The following WDR72 variants were observed in gnomAD, a reference collection of about 807,000 sequenced individuals.
WDR72 encodes the protein WD repeat domain 72.
WDR72 carries 120 observed loss-of-function variants against 124.2 expected under a neutral mutation model. That is an observed-to-expected ratio of 0.97 (90% CI 0.83 to 1.12). The LOEUF is 1.12. WDR72 is among the 50% of genes most tolerant of loss of function. The pLI is 0.00. For missense variants in WDR72, 1,387 were observed against 1,278.8 expected (o/e 1.08, Z -1.29); for synonymous variants, 452 against 441.7 (o/e 1.02, Z -0.29).
intron 18 of WDR72, among the ~76,000 whole-genome samples, chr15:53,572,448 A>C (rs897950199): frequency 3.3e-5 from 5 of 152,090 alleles, no homozygotes; most frequent in Admixed American, 2.0e-4. Context: ...TTTTCCCCTC[A>C]CATTGAAAGC....
chr15:53,565,123 A>T (rs1894249216), intron 18 of WDR72, among the ~76,000 whole-genome samples: 2 of 151,972 alleles, frequency 1.3e-5, no homozygotes, highest in East Asian at 3.9e-4. Context: ...AAATTTCATG[A>T]GCATATTCTG....
intron 14 of WDR72, among the ~76,000 whole-genome samples, chr15:53,644,999 G>A (rs74891855): frequency 5.3e-5 from 8 of 152,094 alleles, no homozygotes; most frequent in Admixed American, 2.6e-4. Context: ...AACTTAGTGC[G>A]TGAAACCCAC....
At chr15:53,601,831 C>T in intron 17 of WDR72, among the ~76,000 whole-genome samples, 1 of 152,140 alleles carries the variant, frequency 6.6e-6, no homozygotes, top group East Asian at 1.9e-4. Context: ...CAGGAGCACA[C>T]AGGTTCATAA....
rs533569032 is a variant in WDR72, at chr15:53,660,370, T to C, written c.1962+5202A>G. On this transcript the variant is annotated intron_variant, in intron 14 of 19. Coordinates refer to ENST00000360509, the MANE Select transcript of WDR72 (RefSeq NM_182758.4). Reference sequence around the variant, plus strand: ...TTCCAGTCTCACAATTTAGAAACTATACTAATTCTATTTTGGTTATTTTTT... The same window carrying C: ...TTCCAGTCTCACAATTTAGAAACTACACTAATTCTATTTTGGTTATTTTTT... Among the ~76,000 whole-genome samples, 3 of 152,274 alleles carry C rather than the reference T, an allele frequency of 2.0e-5. No individual in the cohort carries two copies. In the South Asian group the frequency reaches 6.2e-4, roughly 32 times the overall value.
chr15:53,524,213 A>G (rs1891979378), intron 18 of WDR72, among the ~76,000 whole-genome samples: 1 of 152,134 alleles, frequency 6.6e-6, no homozygotes, highest in Non-Finnish European at 1.5e-5. Context: ...ATTAAGCCAA[A>G]TGTTCTAAAT....
intron 19 of WDR72, among the ~76,000 whole-genome samples, chr15:53,522,110 T>C (rs1030316534): frequency 6.6e-6 from 1 of 152,016 alleles, no homozygotes; most frequent in Non-Finnish European, 1.5e-5. Flanking sequence ...AGAGGACTGA[T>C]ATACAATGCC....
At chr15:53,524,733 G>A (rs149223000) in intron 18 of WDR72, among the ~76,000 whole-genome samples, 2 of 152,178 alleles carry the variant, frequency 1.3e-5, no homozygotes, top group East Asian at 1.9e-4. Context: ...AATTTACTAC[G>A]TTTCTAAAAC....
intron 14 of WDR72, among the ~76,000 whole-genome samples, chr15:53,638,361 T>C (rs16966343): frequency 0.078 from 11,857 of 152,200 alleles, 1,546 homozygotes; most frequent in African/African-American, 0.27. Flanking sequence ...AGCAGGGCTT[T>C]CATTTCCTTC....
chr15:53,529,476 A>G (rs1595732664), intron 18 of WDR72, among the ~76,000 whole-genome samples: 1 of 151,952 alleles, frequency 6.6e-6, no homozygotes, highest in Non-Finnish European at 1.5e-5. Flanking sequence ...TGAGTATACA[A>G]TTGAACAGGA....
intron 9 of WDR72, 141 bp downstream of exon 9, chr15:53,710,716 T>C: frequency 1.4e-6 from 1 of 724,806 alleles, no homozygotes; most frequent in Admixed American, 2.1e-5. Context: ...CATTGATAAT[T>C]AAACTTGATT....
intron 18 of WDR72, among the ~76,000 whole-genome samples, chr15:53,549,050 A>C (rs893353637): frequency 2.6e-5 from 4 of 152,218 alleles, no homozygotes; most frequent in African/African-American, 7.2e-5. Flanking sequence ...CAAACAGTTA[A>C]GTATGGATGA....
intron 18 of WDR72, among the ~76,000 whole-genome samples, chr15:53,573,793 G>A (rs996621197): frequency 6.6e-6 from 1 of 152,160 alleles, no homozygotes; most frequent in Admixed American, 6.5e-5. Flanking sequence ...TGATCCACTG[G>A]CCTTGGCCTC....
At position 53,619,264 on chromosome 15, in the gene WDR72, T is replaced by TTGTGTGTGTGTGTGTGTGTG. The variant is rs3081256; in HGVS notation, c.1963-3041_1963-3022dup. 4.3e-3 allele frequency among the ~76,000 whole-genome samples: 632 copies of TTGTGTGTGTGTGTGTGTGTG among 147,482 alleles called. 2 individuals carry two copies. The highest frequency in any genetic ancestry group is 6.1e-3 in the African/African-American group (245 of 40,220). On this transcript the variant is annotated intron_variant, in intron 14 of 19. Transcript: ENST00000360509. ...TCCTGTTTCCTTGTATGCTTTATAATTGTGTGTGTGTGTGTGTGTGTGTGT... is the reference window on the plus strand; with the variant it reads ...TCCTGTTTCCTTGTATGCTTTATAATTGTGTGTGTGTGTGTGTGTGTGTGTGTGTGTGTGTGTGTGTGTGT...
intron 13 of WDR72, among the ~76,000 whole-genome samples, chr15:53,683,103 G>T (rs1485005169): frequency 6.6e-6 from 1 of 152,054 alleles, no homozygotes; most frequent in East Asian, 1.9e-4. Flanking sequence ...ACTATCATGA[G>T]AACAGTATGG....
intron 2 of WDR72, 90 bp from the exon 3 acceptor site, chr15:53,722,998 A>T: frequency 8.0e-7 from 1 of 1,254,006 alleles, no homozygotes; most frequent in Admixed American, 1.7e-5. Context: ...TCTGATTAGG[A>T]AATTCTGTTG....
intron 14 of WDR72, among the ~76,000 whole-genome samples, chr15:53,622,872 T>C (rs1279902335): frequency 2.0e-5 from 3 of 152,266 alleles, no homozygotes; most frequent in African/African-American, 7.2e-5. Context: ...TTTTAACATG[T>C]ACTACCCTCC....
At chr15:53,645,200 T>C (rs887827075) in intron 14 of WDR72, among the ~76,000 whole-genome samples, 12 of 152,280 alleles carry the variant, frequency 7.9e-5, no homozygotes, top group African/African-American at 2.9e-4. Flanking sequence ...TTGACCTTTA[T>C]CATCTAAGTC....
chr15:53,537,242 T>C (rs1892811536), intron 18 of WDR72, among the ~76,000 whole-genome samples: 1 of 152,218 alleles, frequency 6.6e-6, no homozygotes, highest in Non-Finnish European at 1.5e-5. Context: ...AATACAAGGA[T>C]TCTGCTTCTA....
At chr15:53,757,388 C>T (rs560022654) in intron 1 of WDR72, among the ~76,000 whole-genome samples, 2 of 152,116 alleles carry the variant, frequency 1.3e-5, no homozygotes, top group South Asian at 2.1e-4. Flanking sequence ...TTTGGGAGGC[C>T]GAGGCAGGTG....
Sources: gnomAD v4.1 joint callset for allele counts (sites outside exome capture counted in the v4.1 genomes callset) on GRCh38, gnomAD v4.1.1 for gene constraint, MANE v1.5 for transcripts, NCBI Gene and HGNC (gene_info 2026-07-23, HGNC 2026-07-21) for gene names.